ANK2: variants seen among roughly 807,000 people sequenced by gnomAD.
ANK2 encodes ankyrin-2.
ANK2 carries 83 observed loss-of-function variants against 360.5 expected under a neutral mutation model. That is an observed-to-expected ratio of 0.23 (90% confidence interval 0.19 to 0.28). ANK2 has a LOEUF of 0.28. ANK2 is among the 10% of genes least tolerant of loss of function. The pLI is 1.00. For synonymous variants in ANK2, 1,740 were observed against 1,759.5 expected (o/e 0.99, Z 0.28); for missense variants, 4,201 against 4,795.7 (o/e 0.88, Z 3.66).
intron 1 of ANK2, among the ~76,000 whole-genome samples, chr4:113,162,613 G>T (rs1205896978): frequency 6.6e-6 from 1 of 151,894 alleles, no homozygotes; most frequent in African/African-American, 2.4e-5. Context: ...AATGTAAATA[G>T]TAAAACAAGT....
At chr4:112,984,937 C>T (rs2044350789) in intron 2 of ANK2, among the ~76,000 whole-genome samples, 1 of 152,160 alleles carries the variant, frequency 6.6e-6, no homozygotes, top group Admixed American at 6.5e-5. Context: ...TTGAGTTCCC[C>T]TCCACCTGGT....
chr4:113,118,500 T>A lies in ANK2; in HGVS notation c.85-55916T>A, dbSNP rs113922472. Reference sequence around the variant, plus strand: ...AGACACTTGAGAACCAACATTGAGTTGAGATCTTACTGCATAGGGATTCAT... The same window carrying A: ...AGACACTTGAGAACCAACATTGAGTAGAGATCTTACTGCATAGGGATTCAT... On this transcript the variant is annotated intron_variant, in intron 1 of 45. Coordinates refer to ENST00000357077, the MANE Select transcript of ANK2 (RefSeq NM_001148.6). Among the ~76,000 whole-genome samples the A allele has an allele frequency of 5.3e-4, 80 of 152,318 alleles. 1 individual carries two copies. Among genetic ancestry groups the A allele is most frequent in the African/African-American group, 1.8e-3 (73 of 41,588 alleles).
rs564948246 is a variant in ANK2 at position 113,161,212 on chromosome 4, T to A, written c.85-13204T>A. Among the ~76,000 whole-genome samples the A allele has an allele frequency of 5.6e-4, 85 of 152,342 alleles. 2 individuals are homozygous for A. In the South Asian group the frequency reaches 0.017, roughly 30 times the overall value. ...ACTCTTACACCAACAAATCAAGAAT[T>A]TGTTTTGAAAGCTGCCTCAGAAGAC... On this transcript the variant is annotated intron_variant, in intron 1 of 45. Coordinates refer to ENST00000357077, the MANE Select transcript of ANK2 (RefSeq NM_001148.6).
intron 4 of ANK2, among the ~76,000 whole-genome samples, chr4:113,218,644 C>A (rs558151080): frequency 9.9e-5 from 15 of 152,236 alleles, no homozygotes; most frequent in Middle Eastern, 3.4e-3. Context: ...ATGAGTTGGT[C>A]TAACCATATC....
At chr4:113,240,297 A>G (rs2153566985) in intron 7 of ANK2, among the ~76,000 whole-genome samples, 188 bp from the exon 8 acceptor site, 1 of 152,292 alleles carries the variant, frequency 6.6e-6, no homozygotes, top group South Asian at 2.1e-4. Context: ...AATGTAGAAT[A>G]TTTATTTACT....
intron 1 of ANK2, among the ~76,000 whole-genome samples, chr4:113,158,184 C>G (rs1435136771): frequency 2.0e-5 from 3 of 152,148 alleles, no homozygotes; most frequent in Non-Finnish European, 4.4e-5. Context: ...GGAAAAAATT[C>G]AAACATTTCA....
chr4:113,336,179 G>C (rs1395283789), intron 30 of ANK2, 122 bp downstream of exon 30: 1 of 1,042,836 alleles, frequency 9.6e-7, no homozygotes, highest in African/African-American at 1.6e-5. Context: ...TAGCATTAAT[G>C]GTAAAGCTAA....
chr4:113,067,953 A>G (rs77792677), intron 1 of ANK2, among the ~76,000 whole-genome samples: 1 of 152,208 alleles, frequency 6.6e-6, no homozygotes, highest in Non-Finnish European at 1.5e-5. Context: ...TCACACAGTC[A>G]CTATGTTCCC....
At position 113,354,468 on chromosome 4, in the gene ANK2, T is replaced by G; in HGVS notation, c.5850T>G (p.Pro1950=). Residue 1950 remains proline, a synonymous_variant, in exon 38 of 46, where the codon CCT becomes CCG. Coordinates refer to ENST00000357077, the MANE Select transcript of ANK2 (RefSeq NM_001148.6). ...SPSGRTDKHQ[P]VSTAGKTEKH... ...CCGGAAGAACGGACAAGCACCAACC[T>G]GTATCAACAGCTGGGAAAACTGAGA... 1.2e-6 allele frequency: 2 copies of G among 1,613,906 alleles called. No individual in the cohort carries two copies. Among genetic ancestry groups the G allele is most frequent in the Non-Finnish European group, 1.7e-6 (2 of 1,179,950 alleles).
At chr4:112,739,818 G>A in the ANK2 span, among the ~76,000 whole-genome samples, 2 of 151,906 alleles carry the variant, frequency 1.3e-5, no homozygotes, top group African/African-American at 4.8e-5. Context: ...CCAAGACCAG[G>A]CTAGGCAACA....
At position 113,293,504 on chromosome 4, in the gene ANK2, A is replaced by G; in HGVS notation, c.2441A>G (p.Lys814Arg). Residue 814 changes from lysine to arginine, a missense_variant, in exon 22 of 46, where the codon AAG becomes AGG. Transcript: ENST00000357077. ...LGYISVVDTL[K>R]VVTEEVTTTT... ...TACATCTCCGTGGTCGACACCCTGA[A>G]GGTTGTGACTGAGGAGGTCACCACC... 6.2e-7 allele frequency: 1 copy of G among 1,613,524 alleles called. No homozygotes were observed. The highest frequency in any genetic ancestry group is 8.5e-7 in the Non-Finnish European group (1 of 1,179,930).
At chr4:113,163,195 G>A (rs1206686927) in intron 1 of ANK2, among the ~76,000 whole-genome samples, 1 of 152,104 alleles carries the variant, frequency 6.6e-6, no homozygotes, top group Non-Finnish European at 1.5e-5. Flanking sequence ...TGATGGGAGT[G>A]AGAAAAGGGA....
chr4:113,255,643 G>T (rs1440906340), intron 10 of ANK2, 92 bp from the exon 11 acceptor site: 5 of 1,338,526 alleles, frequency 3.7e-6, no homozygotes, highest in Admixed American at 3.5e-5. Context: ...CACTAACTGT[G>T]TTAGAGATCA....
At chr4:112,991,615 C>CTTTTTTTTTTTT (rs1363502696) in intron 2 of ANK2, among the ~76,000 whole-genome samples, 8 of 80,652 alleles carry the variant, frequency 9.9e-5, no homozygotes, top group South Asian at 4.7e-4. Flanking sequence ...TCTTTTCTTT[C>CTTTTTTTTTTTT]TTTCTTTTTT....
Position 113,090,719 on chromosome 4 carries a change from A to G in ANK2, c.84+40907A>G, listed in dbSNP as rs114451940. Among the ~76,000 whole-genome samples the G allele has an allele frequency of 6.8e-3, 1,037 of 152,344 alleles. 7 individuals are homozygous for G. Among genetic ancestry groups the G allele is most frequent in the Non-Finnish European group, 0.012 (799 of 68,030 alleles). ...CAGAAGATTTTATGTAAAAGTCTTA[A>G]ATTCTAGCTTCGTGATAAAAGTCAG... On this transcript the variant is annotated intron_variant, in intron 1 of 45. Coordinates refer to ENST00000357077, the MANE Select transcript of ANK2 (RefSeq NM_001148.6).
At chr4:112,810,146 T>G in the ANK2 span, among the ~76,000 whole-genome samples, 1 of 22,128 alleles carries the variant, frequency 4.5e-5, no homozygotes, top group East Asian at 2.2e-3. Context: ...TATATATATA[T>G]ATATATATAT....
chr4:113,299,947 C>A (rs1307112268), intron 22 of ANK2, among the ~76,000 whole-genome samples: 1 of 151,968 alleles, frequency 6.6e-6, no homozygotes, highest in Non-Finnish European at 1.5e-5. Flanking sequence ...ACCCAAGCAA[C>A]AATATTTTTT....
the ANK2 span, among the ~76,000 whole-genome samples, chr4:112,775,201 G>C: frequency 6.6e-6 from 1 of 152,128 alleles, no homozygotes; most frequent in South Asian, 2.1e-4. Context: ...GCTGGTAAGA[G>C]AGAAAGACAA....
the ANK2 span, among the ~76,000 whole-genome samples, chr4:112,803,090 G>A: frequency 2.0e-5 from 3 of 152,032 alleles, no homozygotes; most frequent in Admixed American, 6.6e-5. Context: ...AGACTGTCTC[G>A]ACATCTGCCT....
Sources: gnomAD v4.1 joint callset for allele counts (sites outside exome capture counted in the v4.1 genomes callset) on GRCh38, gnomAD v4.1.1 for gene constraint, MANE v1.5 for transcripts, NCBI Gene and HGNC (gene_info 2026-07-23, HGNC 2026-07-21) for gene names.